CTNNA2: variants seen among roughly 807,000 people sequenced by gnomAD.
The protein encoded by CTNNA2 is catenin alpha 2.
In CTNNA2, 42 loss-of-function variants were observed where a neutral mutation model predicts 101.0. The observed-to-expected ratio is 0.42, with a 90% CI of 0.32 to 0.54. The LOEUF is 0.54. CTNNA2 is among the 20% of genes least tolerant of loss of function. The probability of loss-of-function intolerance (pLI) is 0.14; values close to 1 mark genes in which losing one functional copy is unlikely to be tolerated. For missense variants in CTNNA2, 871 were observed against 1,223.1 expected, an observed-to-expected ratio of 0.71 and a Z score of 4.29; for synonymous variants, 450 against 456.4, an observed-to-expected ratio of 0.99 and a Z score of 0.18.
intron 3 of CTNNA2, among the ~76,000 whole-genome samples, chr2:79,820,075 A>G (rs1677883204): frequency 8.2e-6 from 1 of 121,532 alleles, no homozygotes; most frequent in Non-Finnish European, 1.7e-5. Flanking sequence ...ATCCTCAGAT[A>G]AATATATGTA....
At chr2:79,537,316 G>T (rs1260625515) in intron 1 of CTNNA2, among the ~76,000 whole-genome samples, 1 of 152,142 alleles carries the variant, frequency 6.6e-6, no homozygotes, top group African/African-American at 2.4e-5. Flanking sequence ...CTGCTACTCT[G>T]GGATTTTAAC....
At chr2:79,295,026 C>T (rs1284168079) in intron 2 of CTNNA2, among the ~76,000 whole-genome samples, 2 of 143,962 alleles carry the variant, frequency 1.4e-5, no homozygotes, top group Non-Finnish European at 3.1e-5. Flanking sequence ...TTTGTGTATG[C>T]GTGTGTGTAT....
intron 3 of CTNNA2, among the ~76,000 whole-genome samples, chr2:79,337,518 A>G (rs1380533637): frequency 6.6e-6 from 1 of 152,144 alleles, no homozygotes; most frequent in Non-Finnish European, 1.5e-5. Context: ...AACCTCAGCA[A>G]TTTATCCATG....
chr2:79,729,973 C>A (rs1008035985), intron 2 of CTNNA2, among the ~76,000 whole-genome samples: 1 of 152,040 alleles, frequency 6.6e-6, no homozygotes, highest in South Asian at 2.1e-4. Flanking sequence ...TGGAGTATGT[C>A]CTGCATACTG....
chr2:80,585,628 T>A (rs1203057542), intron 14 of CTNNA2, among the ~76,000 whole-genome samples: 1 of 152,194 alleles, frequency 6.6e-6, no homozygotes. Flanking sequence ...TTGATTTCAA[T>A]GTAGCTGGCT....
chr2:80,038,179 G>A (rs1396581967), intron 7 of CTNNA2, among the ~76,000 whole-genome samples: 2 of 152,284 alleles, frequency 1.3e-5, no homozygotes, highest in East Asian at 1.9e-4. Flanking sequence ...AGCAGCTTTT[G>A]GAGAAGGTCG....
intron 3 of CTNNA2, among the ~76,000 whole-genome samples, chr2:79,839,810 T>G (rs1679666266): frequency 6.6e-6 from 1 of 152,158 alleles, no homozygotes; most frequent in Admixed American, 6.5e-5. Context: ...GTAAATATTT[T>G]TAAATATTCA....
At chr2:79,636,854 C>T (rs1680106236) in intron 1 of CTNNA2, 2 of 151,984 alleles carry the variant, frequency 1.3e-5, no homozygotes, top group African/African-American at 4.8e-5. Context: ...AAAATGAGTT[C>T]ATACTATAAA....
chr2:80,340,907 A>T (rs952598812), intron 7 of CTNNA2, among the ~76,000 whole-genome samples: 5 of 152,154 alleles, frequency 3.3e-5, no homozygotes, highest in African/African-American at 1.2e-4. Flanking sequence ...GGGGGTTCTC[A>T]TCATCCCCTC....
chr2:79,982,568 T>C (rs1691461063), intron 7 of CTNNA2, among the ~76,000 whole-genome samples: 2 of 118,822 alleles, frequency 1.7e-5, no homozygotes, highest in African/African-American at 7.1e-5. Context: ...CCAGTCTTCA[T>C]GGTAGGTTTC....
intron 4 of CTNNA2, among the ~76,000 whole-genome samples, chr2:79,457,941 G>A (rs1342427802): frequency 6.6e-6 from 1 of 152,220 alleles, no homozygotes; most frequent in Non-Finnish European, 1.5e-5. Context: ...AGCCACTGCT[G>A]GCAAATAGAC....
At chr2:79,798,250 A>G (rs12615043) in intron 3 of CTNNA2, among the ~76,000 whole-genome samples, 18,725 of 152,180 alleles carry the variant, frequency 0.12, 1,722 homozygotes, top group East Asian at 0.37. Context: ...GCAAGATGGT[A>G]CTAATCCCCT....
chr2:80,529,725 T>G (rs1339909494), intron 9 of CTNNA2, among the ~76,000 whole-genome samples: 5 of 152,122 alleles, frequency 3.3e-5, no homozygotes, highest in African/African-American at 1.2e-4. Flanking sequence ...TACATAGAAT[T>G]TCATTGCTTG....
chr2:80,145,321 C>T (rs1703265539), intron 7 of CTNNA2, among the ~76,000 whole-genome samples: 1 of 152,118 alleles, frequency 6.6e-6, no homozygotes, highest in Non-Finnish European at 1.5e-5. Context: ...TTTTTCTCCC[C>T]AGTCATTCAT....
rs77442706 is a variant in CTNNA2 at position 79,358,959 on chromosome 2, C to T, written c.-317-14872C>T. Among the ~76,000 whole-genome samples, 388 of 152,228 alleles carry T rather than the reference C, an allele frequency of 2.5e-3. 3 individuals carry two copies. The highest frequency in any genetic ancestry group is 8.4e-3 in the African/African-American group (350 of 41,552). Reference sequence around the variant, plus strand: ...CACAGAACATCCAGTGCAACAGACTCAGATGAGTTCATTTTAAAAAATATA... The same window carrying T: ...CACAGAACATCCAGTGCAACAGACTTAGATGAGTTCATTTTAAAAAATATA... On this transcript the variant is annotated intron_variant, in intron 3 of 21. Coordinates refer to the CTNNA2 transcript ENST00000466387.
intron 7 of CTNNA2, among the ~76,000 whole-genome samples, chr2:80,081,610 T>C (rs931942986): frequency 2.7e-5 from 4 of 149,538 alleles, no homozygotes; most frequent in African/African-American, 9.9e-5. Flanking sequence ...CTTTAAAAAA[T>C]TGATTTGGCC....
At chr2:80,294,636 A>T (rs1375861389) in intron 7 of CTNNA2, among the ~76,000 whole-genome samples, 7 of 151,722 alleles carry the variant, frequency 4.6e-5, no homozygotes, top group South Asian at 4.2e-4. Flanking sequence ...TGGGAAGCTT[A>T]AAAAAAATAA....
chr2:79,775,370 C>T (rs1475533811), intron 3 of CTNNA2, among the ~76,000 whole-genome samples: 1 of 152,062 alleles, frequency 6.6e-6, no homozygotes, highest in South Asian at 2.1e-4. Flanking sequence ...TACATTTTGG[C>T]ATCATTGATA....
chr2:80,059,468 A>G (rs1558768770), intron 7 of CTNNA2, among the ~76,000 whole-genome samples: 1 of 152,168 alleles, frequency 6.6e-6, no homozygotes, highest in Non-Finnish European at 1.5e-5. Flanking sequence ...AGCCACTAGT[A>G]TTTTGCTTCC....
Sources: allele counts gnomAD v4.1 joint callset (sites outside exome capture counted in the v4.1 genomes callset), GRCh38; gene constraint gnomAD v4.1.1; transcripts MANE v1.5; gene names NCBI Gene and HGNC (gene_info 2026-07-23, HGNC 2026-07-21).